The following HMCN1 variants were observed in gnomAD, a reference collection of about 807,000 sequenced individuals.
The protein encoded by HMCN1 is hemicentin-1.
A neutral mutation model predicts 625.9 loss-of-function variants in HMCN1; 321 were observed. The observed-to-expected ratio is 0.51, with a 90% CI of 0.47 to 0.56. The LOEUF is 0.56. Among genes scored for constraint, HMCN1 ranks in the 20% least tolerant of loss-of-function variants. The pLI, the probability that HMCN1 is intolerant of heterozygous loss-of-function variation, is 0.00. For synonymous variants in HMCN1, 2,425 were observed against 2,417.6 expected (o/e 1.00, Z -0.09); for missense variants, 6,588 against 6,887.3 (o/e 0.96, Z 1.54).
At chr1:185,902,490 C>T (rs1268540202) in intron 4 of HMCN1, among the ~76,000 whole-genome samples, 1 of 151,390 alleles carries the variant, frequency 6.6e-6, no homozygotes, top group African/African-American at 2.4e-5. Context: ...ATAGATGACC[C>T]TGAAGCTATT....
chr1:186,145,728 G>T, intron 92 of HMCN1, 25 bp from the exon 93 acceptor site: 2 of 1,614,118 alleles, frequency 1.2e-6, no homozygotes, highest in Non-Finnish European at 1.7e-6. Context: ...TTTCTTAACA[G>T]TGACCATTCC....
chr1:185,888,612 T>C (rs1664831077), intron 4 of HMCN1, among the ~76,000 whole-genome samples: 1 of 147,108 alleles, frequency 6.8e-6, no homozygotes, highest in African/African-American at 2.7e-5. Flanking sequence ...AAAGATCAGA[T>C]AGTTGTAGAT....
At chr1:186,053,437 C>T (rs1028514451) in intron 43 of HMCN1, among the ~76,000 whole-genome samples, 7 of 151,932 alleles carry the variant, frequency 4.6e-5, no homozygotes, top group African/African-American at 1.7e-4. Flanking sequence ...TTCAGTCATA[C>T]CCCAAACCTC....
chr1:185,933,796 A>G lies in HMCN1; in HGVS notation c.1800A>G (p.Ser600=), dbSNP rs775541615. The G allele has an allele frequency of 2.0e-5, 33 of 1,613,828 alleles. No individual in the cohort carries two copies. In the South Asian group the frequency reaches 3.4e-4, roughly 17 times the overall value. ...HCMVSSEGGS[S]AASVFLTVQE... is the part of the protein sequence containing the mutation. Reference sequence around the variant, plus strand: ...TGGTTTCTAGTGAAGGTGGATCATCAGCCGCTTCAGTTTTCCTCACAGTGC... The same window carrying G: ...TGGTTTCTAGTGAAGGTGGATCATCGGCCGCTTCAGTTTTCCTCACAGTGC... Residue 600 remains serine (S), a synonymous_variant, in exon 11 of 107, where the codon TCA becomes TCG. Transcript: ENST00000271588.
chr1:185,923,552 T>C lies in HMCN1; in HGVS notation c.1184T>C (p.Val395Ala). The C allele has an allele frequency of 6.2e-7, 1 of 1,611,540 alleles. No individual in the cohort carries two copies. Among genetic ancestry groups the C allele is most frequent in the South Asian group, 1.1e-5 (1 of 91,034 alleles). Reference sequence around the variant, plus strand: ...GGCATATGGAATATTTCTGACTTTGTACCACCAAATGAAGCTTTCTTTCTC... The same window carrying C: ...GGCATATGGAATATTTCTGACTTTGCACCACCAAATGAAGCTTTCTTTCTC... ...PYGIWNISDF[V>A]PPNEAFFLKV... is the part of the protein sequence containing the mutation. The change falls in exon 8 of 107, where the codon GTA becomes GCA. Residue 395 changes from valine to alanine, a missense_variant. Around this residue, in one of 3 missense-constraint regions of HMCN1, gnomAD observed 4,628 missense variants for 4,853.1 expected, o/e 0.95. Coordinates refer to ENST00000271588, the MANE Select transcript of HMCN1 (RefSeq NM_031935.3).
intron 16 of HMCN1, among the ~76,000 whole-genome samples, chr1:185,980,344 C>CAGT (rs1651527801): frequency 6.6e-6 from 1 of 152,112 alleles, no homozygotes; most frequent in Admixed American, 6.6e-5. Context: ...AGATGATGTG[C>CAGT]AATTATTACT....
intron 1 of HMCN1, among the ~76,000 whole-genome samples, chr1:185,755,505 C>T (rs1313533140): frequency 6.6e-6 from 1 of 152,176 alleles, no homozygotes; most frequent in African/African-American, 2.4e-5. Flanking sequence ...TGCTAGGCCT[C>T]ATGGCGTAGT....
chr1:185,866,572 T>A (rs1663223162), intron 4 of HMCN1, among the ~76,000 whole-genome samples: 1 of 151,138 alleles, frequency 6.6e-6, no homozygotes, highest in Admixed American at 6.6e-5. Flanking sequence ...GCCCGGCTAA[T>A]TTTTTTTGTA....
At chr1:185,897,582 G>A (rs2102425873) in intron 4 of HMCN1, among the ~76,000 whole-genome samples, 1 of 152,250 alleles carries the variant, frequency 6.6e-6, no homozygotes, top group Middle Eastern at 3.4e-3. Context: ...TGTCCCAGAT[G>A]TTCTCCCTCT....
At chr1:185,939,718 CTT>C (rs951643259) in intron 11 of HMCN1, among the ~76,000 whole-genome samples, 1 of 151,968 alleles carries the variant, frequency 6.6e-6, no homozygotes, top group African/African-American at 2.4e-5. Context: ...AATTTCTTCT[CTT>C]TGTTTTCTAG....
chr1:185,886,490 A>G (rs1159825732), intron 4 of HMCN1, among the ~76,000 whole-genome samples: 2 of 152,082 alleles, frequency 1.3e-5, no homozygotes, highest in African/African-American at 4.8e-5. Context: ...AAGTCTTTTT[A>G]ATTCATCTCT....
intron 86 of HMCN1, among the ~76,000 whole-genome samples, chr1:186,134,902 C>A (rs1571400832): frequency 6.6e-6 from 1 of 152,222 alleles, no homozygotes; most frequent in East Asian, 1.9e-4. Context: ...GAAAACCTTT[C>A]TTATTTTAGG....
At chr1:186,163,958 T>G (rs1358654643) in intron 97 of HMCN1, among the ~76,000 whole-genome samples, 2 of 152,214 alleles carry the variant, frequency 1.3e-5, no homozygotes, top group African/African-American at 4.8e-5. Flanking sequence ...TATGTTTACA[T>G]GACATATTTT....
chr1:186,163,682 G>A (rs373078965), intron 97 of HMCN1, among the ~76,000 whole-genome samples: 17 of 152,098 alleles, frequency 1.1e-4, no homozygotes, highest in Middle Eastern at 3.4e-3. Flanking sequence ...CTTAATATAC[G>A]GCAGACACAT....
chr1:186,184,478 G>T (rs1009188673), intron 105 of HMCN1, among the ~76,000 whole-genome samples: 1 of 152,084 alleles, frequency 6.6e-6, no homozygotes, highest in South Asian at 2.1e-4. Context: ...TAAACAAAAA[G>T]CATGACCAAT....
chr1:185,964,461 TTTCA>T (rs1346882995), intron 13 of HMCN1, among the ~76,000 whole-genome samples: 1 of 152,124 alleles, frequency 6.6e-6, no homozygotes, highest in African/African-American at 2.4e-5. Flanking sequence ...CAGTCCACCC[TTTCA>T]TTCATTCTTA....
chr1:186,136,594 C>T lies in HMCN1; in HGVS notation c.13313-74C>T, dbSNP rs953171796. The T allele has an allele frequency of 3.3e-5, 45 of 1,344,168 alleles. No homozygotes were observed. The South Asian group carries it at 3.4e-4, about 10-fold the overall frequency. 83.3% of individuals were successfully genotyped at this position (1,344,168 alleles called of 1,614,324 possible). A position where few individuals can be genotyped will look rare whatever the true frequency, so the allele number is the denominator to read the frequency against. On this transcript the variant is annotated intron_variant, in intron 86 of 106. Coordinates refer to ENST00000271588, the MANE Select transcript of HMCN1 (RefSeq NM_031935.3). Reference sequence around the variant, plus strand: ...TCAATCACTTTTTTCAAAATAATGTCGCCATATAATACATGATAAAAAAAA... The same window carrying T: ...TCAATCACTTTTTTCAAAATAATGTTGCCATATAATACATGATAAAAAAAA...
chr1:186,087,853 G>A, intron 60 of HMCN1, 79 bp from the exon 61 acceptor site: 2 of 1,334,000 alleles, frequency 1.5e-6, no homozygotes, highest in Non-Finnish European at 1.1e-6. Flanking sequence ...GATGACTGAT[G>A]ATTTAATCTA....
At chr1:185,935,683 T>C (rs1667778104) in intron 11 of HMCN1, among the ~76,000 whole-genome samples, 1 of 152,122 alleles carries the variant, frequency 6.6e-6, no homozygotes, top group Admixed American at 6.6e-5. Context: ...GCCTGTCTAG[T>C]TGGCCTTGAG....
Sources: allele counts gnomAD v4.1 joint callset (sites outside exome capture counted in the v4.1 genomes callset), GRCh38; gene constraint gnomAD v4.1.1; regional missense constraint gnomAD v4.1.1; transcripts MANE v1.5; gene names NCBI Gene and HGNC (gene_info 2026-07-23, HGNC 2026-07-21).